SSBP2: variants seen among roughly 807,000 people sequenced by gnomAD.
SSBP2 encodes the protein single-stranded DNA-binding protein 2.
Under a neutral mutation model 61.8 loss-of-function variants are expected in SSBP2, and 17 were observed. That is an observed-to-expected ratio of 0.28 (90% CI 0.19 to 0.41). SSBP2 has a LOEUF of 0.41. SSBP2 is among the 10% of genes least tolerant of loss of function. SSBP2 has a pLI of 1.00. For synonymous variants in SSBP2, 139 were observed against 141.3 expected, an observed-to-expected ratio of 0.98 and a Z score of 0.12; for missense variants, 310 against 458.7, an observed-to-expected ratio of 0.68 and a Z score of 2.96.
Position 81,417,966 on chromosome 5 carries a change from C to A in SSBP2, c.*2538G>T, listed in dbSNP as rs1037007478. 5.3e-5 allele frequency: 8 copies of A among 151,718 alleles called. No individual in the cohort carries two copies. Among genetic ancestry groups the A allele is most frequent in the Non-Finnish European group, 1.2e-4 (8 of 67,950 alleles). 9.4% of individuals were successfully genotyped at this position (151,718 alleles called of 1,614,324 possible). On this transcript the variant is annotated 3_prime_UTR_variant, in exon 17 of 17. Transcript: ENST00000320672. ...ATGCAATTCATATTCTCGTATTACCCCCAAAATAAGGGTAGATAAAATCAT... is the reference window on the plus strand; with the variant it reads ...ATGCAATTCATATTCTCGTATTACCACCAAAATAAGGGTAGATAAAATCAT...
chr5:81,670,227 G>A (rs928950365), intron 1 of SSBP2, among the ~76,000 whole-genome samples: 3 of 152,130 alleles, frequency 2.0e-5, no homozygotes, highest in Admixed American at 6.6e-5. Flanking sequence ...ATTATGGTGG[G>A]GGATGTTGAT....
At chr5:81,452,022 G>GA (rs1763808124) in intron 10 of SSBP2, among the ~76,000 whole-genome samples, 1 of 152,092 alleles carries the variant, frequency 6.6e-6, no homozygotes, top group Non-Finnish European at 1.5e-5. Flanking sequence ...CATTTGAGCT[G>GA]GACAGTTGGG....
chr5:81,588,588 G>A (rs937270047), intron 4 of SSBP2, among the ~76,000 whole-genome samples: 1 of 151,722 alleles, frequency 6.6e-6, no homozygotes, highest in African/African-American at 2.4e-5. Flanking sequence ...ACTTAAGGAA[G>A]GTAACTTTAT....
At position 81,551,908 on chromosome 5, in the gene SSBP2, G is replaced by T. The variant is rs187436402; in HGVS notation, c.283-38191C>A. On this transcript the variant is annotated intron_variant, in intron 4 of 16. Transcript: ENST00000320672. ...ATCTAAAGTAATTACACATTTTGAT[G>T]CTTATTGTACATTTCTTAGGAAATT... 2.6e-3 allele frequency among the ~76,000 whole-genome samples: 397 copies of T among 152,218 alleles called. 1 individual carries two copies. The highest frequency in any genetic ancestry group is 8.5e-3 in the African/African-American group (353 of 41,540).
intron 1 of SSBP2, among the ~76,000 whole-genome samples, chr5:81,675,210 G>C (rs545149725): frequency 6.6e-6 from 1 of 152,014 alleles, no homozygotes; most frequent in African/African-American, 2.4e-5. Flanking sequence ...TTGCCTCCAG[G>C]GTCTCTCCAC....
intron 4 of SSBP2, among the ~76,000 whole-genome samples, chr5:81,602,601 C>T (rs1162376840): frequency 6.6e-6 from 1 of 152,138 alleles, no homozygotes; most frequent in African/African-American, 2.4e-5. Context: ...TGCCCTGAGA[C>T]CGCATTTTCC....
chr5:81,588,183 C>A (rs1276170814), intron 4 of SSBP2, among the ~76,000 whole-genome samples: 1 of 151,902 alleles, frequency 6.6e-6, no homozygotes, highest in African/African-American at 2.4e-5. Context: ...CTAGGCTGGT[C>A]TTGAACTCCT....
intron 13 of SSBP2, among the ~76,000 whole-genome samples, chr5:81,441,390 A>G (rs997404700): frequency 6.6e-6 from 1 of 152,222 alleles, no homozygotes; most frequent in African/African-American, 2.4e-5. Context: ...TAGAAGACTA[A>G]GGAAACATGG....
chr5:81,688,298 C>T (rs1752970646), intron 1 of SSBP2, among the ~76,000 whole-genome samples: 1 of 152,218 alleles, frequency 6.6e-6, no homozygotes, highest in African/African-American at 2.4e-5. Context: ...TGACTCCAGG[C>T]CCTGGCTGCT....
In SSBP2 at chr5:81,517,370, G is replaced by GTT. The variant is rs199949045; in HGVS notation, c.283-3655_283-3654dup. ...CTTAGCCATCTGTCCTAAATTTCAA[G>GTT]TTTTTTTTTTTTTTTTTGGAGAGTG... On this transcript the variant is annotated intron_variant, in intron 4 of 16. Transcript: ENST00000320672. Among the ~76,000 whole-genome samples, 291 of 122,066 alleles carry GTT rather than the reference G, an allele frequency of 2.4e-3. 4 individuals are homozygous for GTT. Among genetic ancestry groups the GTT allele is most frequent in the African/African-American group, 7.9e-3 (269 of 34,216 alleles). 80.1% of individuals were successfully genotyped at this position (122,066 alleles called of 152,430 possible).
At chr5:81,515,300 A>C (rs971662664) in intron 4 of SSBP2, among the ~76,000 whole-genome samples, 20 of 152,116 alleles carry the variant, frequency 1.3e-4, no homozygotes, top group African/African-American at 4.3e-4. Flanking sequence ...AGTTGCTCTT[A>C]GTATGAAAAG....
At chr5:81,610,737 T>C (rs1745358767) in intron 4 of SSBP2, among the ~76,000 whole-genome samples, 1 of 152,202 alleles carries the variant, frequency 6.6e-6, no homozygotes, top group African/African-American at 2.4e-5. Context: ...CTCACAACTG[T>C]AATCCCAGCA....
At chr5:81,498,825 A>C (rs1023782937) in intron 5 of SSBP2, among the ~76,000 whole-genome samples, 1 of 152,112 alleles carries the variant, frequency 6.6e-6, no homozygotes, top group Non-Finnish European at 1.5e-5. Flanking sequence ...TTACGTTGAA[A>C]AATCACTAGA....
intron 3 of SSBP2, among the ~76,000 whole-genome samples, chr5:81,619,688 G>A (rs1746371001): frequency 1.5e-5 from 1 of 65,498 alleles, no homozygotes; most frequent in Non-Finnish European, 2.8e-5. Context: ...GATGAACATT[G>A]ATGCAAAAAT....
intron 1 of SSBP2, among the ~76,000 whole-genome samples, chr5:81,671,644 T>C (rs1042601306): frequency 6.6e-6 from 1 of 152,190 alleles, no homozygotes; most frequent in African/African-American, 2.4e-5. Flanking sequence ...AGTAAGCTTC[T>C]ATTAATGTTC....
chr5:81,602,325 T>A (rs62366268), intron 4 of SSBP2, among the ~76,000 whole-genome samples: 1 of 152,196 alleles, frequency 6.6e-6, no homozygotes, highest in South Asian at 2.1e-4. Context: ...TAATTATTTT[T>A]AAAACTTTAT....
chr5:81,452,285 C>A (rs991889171), intron 10 of SSBP2, among the ~76,000 whole-genome samples: 1 of 152,036 alleles, frequency 6.6e-6, no homozygotes, highest in Non-Finnish European at 1.5e-5. Flanking sequence ...TTTTTAAAAT[C>A]CTTTTTTATT....
chr5:81,445,138 T>TTTATATATATATA (rs1554065521), intron 12 of SSBP2, among the ~76,000 whole-genome samples: 1 of 33,896 alleles, frequency 3.0e-5, no homozygotes, highest in South Asian at 1.4e-3. Context: ...AAAAAAAATT[T>TTTATATATATATA]TATATATATA....
In SSBP2 at chr5:81,559,435, G is replaced by A. The variant is rs2153407283; in HGVS notation, c.283-45718C>T. The stretch of plus-strand genomic sequence containing the variant: ...CTGGGCATGGTGGCACATGCCTGTA[G>A]TCCCAGCTATTTGGGAGGCTGAGGC... On this transcript the variant is annotated intron_variant, in intron 4 of 16. Coordinates refer to ENST00000320672, the MANE Select transcript of SSBP2 (RefSeq NM_012446.5). 1.3e-5 allele frequency among the ~76,000 whole-genome samples: 2 copies of A among 150,146 alleles called. 1 individual carries two copies. Among genetic ancestry groups the A allele is most frequent in the Middle Eastern group, 6.9e-3 (2 of 288 alleles).
Sources: allele counts gnomAD v4.1 joint callset (sites outside exome capture counted in the v4.1 genomes callset), GRCh38; gene constraint gnomAD v4.1.1; transcripts MANE v1.5; gene names NCBI Gene and HGNC (gene_info 2026-07-23, HGNC 2026-07-21).